The following OXGR1 variants were observed in gnomAD, a reference collection of about 807,000 sequenced individuals.
OXGR1 encodes the protein 2-oxoglutarate receptor 1.
In OXGR1, 10 loss-of-function variants were observed where a neutral mutation model predicts 10.0. That is an observed-to-expected ratio of 1.00 (90% CI 0.62 to 1.70). OXGR1 has a LOEUF of 1.70. Ranked by LOEUF, OXGR1 falls within the 40% of genes most tolerant of loss-of-function variation. OXGR1 has a pLI of 0.00. For missense variants in OXGR1, 398 were observed against 407.6 expected (o/e 0.98, Z 0.20); for synonymous variants, 191 against 155.9 (o/e 1.22, Z -1.68).
rs144365402 is a variant in OXGR1, at chr13:96,986,794, G to A, written c.966C>T (p.Ser322=). The A allele has an allele frequency of 1.5e-3, 2,414 of 1,612,972 alleles. 4 individuals carry two copies. The highest frequency in any genetic ancestry group is 6.1e-3 in the Middle Eastern group (37 of 6,046). The change falls in exon 4 of 4, where the codon AGC becomes AGT. Residue 322 remains serine (S), a synonymous_variant. Transcript: ENST00000541038. ...TTTTCTTTGCTTGCTCAAGGTTCCC[G>A]CTTACTTTGCATCTCACTGTTGAGC... ...AVCSTVRCKV[S]GNLEQAKKIS...
In OXGR1 at chr13:96,987,604, T is replaced by G; in HGVS notation, c.156A>C (p.Ala52=). The stretch of plus-strand genomic sequence containing the variant: ...TGAAAATGTAAGTGGATATCACTAC[T>G]GCATTGCCTGGAAATCCCACGAGGA... The part of the protein sequence containing the change: ...IIFLVGFPGN[A]VVISTYIFKM... Residue 52 remains alanine (A), a synonymous_variant, in exon 4 of 4, where the codon GCA becomes GCC. Transcript: ENST00000541038. 6.2e-7 allele frequency: 1 copy of G among 1,614,164 alleles called. No homozygotes were observed. The highest frequency in any genetic ancestry group is 8.5e-7 in the Non-Finnish European group (1 of 1,180,018).
chr13:96,994,713 GAGA>G (rs1476104502), upstream of OXGR1: 161 of 143,106 alleles, frequency 1.1e-3, no homozygotes, highest in African/African-American at 3.8e-3. Flanking sequence ...TTTTTCTTTT[GAGA>G]AGGAGTCTCG....
Position 96,986,955 on chromosome 13 carries a change from G to T in OXGR1, c.805C>A (p.Leu269Met). ...ILRVIRIESR[L>M]LSISCSIENQ... The stretch of plus-strand genomic sequence containing the variant: ...TCAATGGAACAACTGATTGAAAGCA[G>T]GCGAGATTCGATCCGAATGACCCTC... Residue 269 changes from leucine to methionine, a missense_variant, in exon 4 of 4, where the codon CTG (leucine) becomes ATG (methionine). Transcript: ENST00000541038. 1 of 1,614,166 alleles carries T rather than the reference G, an allele frequency of 6.2e-7. No individual in the cohort carries two copies. The highest frequency in any genetic ancestry group is 8.5e-7 in the Non-Finnish European group (1 of 1,180,042).
chr13:96,989,845 G>A (rs923967560), intron 2 of OXGR1, 36 bp from the exon 3 acceptor site: 1 of 152,168 alleles, frequency 6.6e-6, no homozygotes, highest in African/African-American at 2.4e-5. Flanking sequence ...GTGAAGACAG[G>A]AAAAGGCTGA....
chr13:96,989,614 G>A (rs1195923253), intron 3 of OXGR1, 144 bp downstream of exon 3: 1 of 152,342 alleles, frequency 6.6e-6, no homozygotes, highest in Non-Finnish European at 1.5e-5. Context: ...AGGCAGTGAT[G>A]TGCTCAAAGT....
At position 96,986,937 on chromosome 13, in the gene OXGR1, A is replaced by G. The variant is rs1316781380; in HGVS notation, c.823T>C (p.Ser275Pro). 6.2e-7 allele frequency: 1 copy of G among 1,614,180 alleles called. No homozygotes were observed. The highest frequency in any genetic ancestry group is 8.5e-7 in the Non-Finnish European group (1 of 1,180,014). Residue 275 changes from serine to proline, a missense_variant, in exon 4 of 4, where the codon TCC (serine) becomes CCC (proline). Ser to Pro is a moderately conservative substitution (Grantham distance 74). Coordinates refer to ENST00000541038, the MANE Select transcript of OXGR1 (RefSeq NM_001346194.2). ...GCTTCATGGATCTGATTCTCAATGG[A>G]ACAACTGATTGAAAGCAGGCGAGAT... ...IESRLLSISC[S>P]IENQIHEAYI...
At chr13:96,990,650 G>T (rs1882001684) in intron 2 of OXGR1, among the ~76,000 whole-genome samples, 1 of 152,096 alleles carries the variant, frequency 6.6e-6, no homozygotes, top group Admixed American at 6.5e-5. Flanking sequence ...CTAAAAAAAA[G>T]CTTGGTTCTT....
In OXGR1 at chr13:96,987,408, A is replaced by G. The variant is rs2138890273; in HGVS notation, c.352T>C (p.Tyr118His). ...CAGGTGAGGAAGAGGATGCTGCTAT[A>G]CAGGTTGAAATGGAAGCTGAAGCGG... is the stretch of plus-strand genomic sequence containing the variant. ...FIRFSFHFNL[Y>H]SSILFLTCFS... is the part of the protein sequence containing the mutation. The change falls in exon 4 of 4, where the codon TAT becomes CAT. Residue 118 changes from tyrosine to histidine, a missense_variant. Physicochemically the swap from Tyr to His is moderately conservative, Grantham distance 83. Transcript: ENST00000541038. 1 of 1,614,206 alleles carries G rather than the reference A, an allele frequency of 6.2e-7. No individual in the cohort carries two copies. Among genetic ancestry groups the G allele is most frequent in the Non-Finnish European group, 8.5e-7 (1 of 1,180,026 alleles).
intron 2 of OXGR1, among the ~76,000 whole-genome samples, chr13:96,990,962 AG>A (rs1882027023): frequency 6.6e-6 from 1 of 151,158 alleles, no homozygotes; most frequent in African/African-American, 2.4e-5. Context: ...AAAAAAAAAA[AG>A]CAAGCTTAGA....
chr13:96,992,720 T>G (rs1198853870), intron 1 of OXGR1, 148 bp from the exon 2 acceptor site: 3 of 152,214 alleles, frequency 2.0e-5, no homozygotes, highest in Non-Finnish European at 2.9e-5. Context: ...GCCTGTTGGT[T>G]TTGCAGATCA....
intron 3 of OXGR1, among the ~76,000 whole-genome samples, chr13:96,989,507 G>A (rs1441134277): frequency 6.6e-6 from 1 of 152,192 alleles, no homozygotes; most frequent in Non-Finnish European, 1.5e-5. Context: ...TACTGTAAGT[G>A]TCTTACATAT....
rs777210730 is a variant in OXGR1 at position 96,986,866 on chromosome 13, G to T, written c.894C>A (p.Asn298Lys). The T allele has an allele frequency of 4.0e-5, 65 of 1,614,044 alleles. No homozygotes were observed. The highest frequency in any genetic ancestry group is 1.7e-4 in the Admixed American group (10 of 59,998). The change falls in exon 4 of 4, where the codon AAC becomes AAA. Residue 298 changes from asparagine to lysine, a missense_variant. Asn to Lys is a moderately conservative substitution (Grantham distance 94, BLOSUM62 0). Coordinates refer to ENST00000541038, the MANE Select transcript of OXGR1 (RefSeq NM_001346194.2). ...RPLAALNTFG[N>K]LLLYVVVSDN... ...CGCTGACCACCACATATAGTAACAG[G>T]TTACCAAAGGTGTTCAGAGCAGCTA... is the stretch of plus-strand genomic sequence containing the variant.
At chr13:96,991,041 A>T (rs1882032209) in intron 2 of OXGR1, among the ~76,000 whole-genome samples, 1 of 151,932 alleles carries the variant, frequency 6.6e-6, no homozygotes, top group South Asian at 2.1e-4. Flanking sequence ...ACCCTTAGCC[A>T]TGTTATGGAG....
intron 2 of OXGR1, among the ~76,000 whole-genome samples, chr13:96,991,944 C>G (rs1183588441): frequency 1.3e-5 from 2 of 152,074 alleles, no homozygotes; most frequent in Non-Finnish European, 2.9e-5. Flanking sequence ...ATGGGTAGAA[C>G]TGGAGGTCAT....
chr13:96,987,992 A>G (rs1179507129), intron 3 of OXGR1, among the ~76,000 whole-genome samples, 159 bp from the exon 4 acceptor site: 1 of 152,244 alleles, frequency 6.6e-6, no homozygotes, highest in African/African-American at 2.4e-5. Context: ...GAAAATGACT[A>G]TGAGGCAAGT....
chr13:96,992,283 T>A (rs1882093887), intron 2 of OXGR1, 139 bp downstream of exon 2: 2 of 152,352 alleles, frequency 1.3e-5, no homozygotes, highest in African/African-American at 4.8e-5. Flanking sequence ...CTCGAGTGGA[T>A]GGATACCCCA....
At position 96,987,015 on chromosome 13, in the gene OXGR1, CA is replaced by C; in HGVS notation, c.744del (p.Ala249HisfsTer12). 6.2e-7 allele frequency: 1 copy of C among 1,614,170 alleles called. No homozygotes were observed. Reference protein sequence around the residue: ...KARRLTILLLLAFYVCFLPFH... With the variant: ...KARRLTILLLXAFYVCFLPFH... The stretch of plus-strand genomic sequence containing the variant: ...AAGGGTAAAAAACATACGTAAAATG[CA>C]AGGAGTAGCAGAATGGTTAGCCTTC... On this transcript the variant is annotated frameshift_variant, in exon 4 of 4. Transcript: ENST00000541038. LOFTEE classifies it high-confidence loss of function.
Position 96,987,723 on chromosome 13 carries a change from C to A in OXGR1, c.37G>T (p.Asp13Tyr), listed in dbSNP as rs780702734. The A allele has an allele frequency of 1.4e-5, 22 of 1,607,038 alleles. No individual in the cohort carries two copies. The highest frequency in any genetic ancestry group is 1.7e-5 in the Non-Finnish European group (20 of 1,176,060). The change falls in exon 4 of 4, where the codon GAT (aspartate) becomes TAT (tyrosine). Residue 13 changes from aspartate to tyrosine, a missense_variant. Coordinates refer to ENST00000541038, the MANE Select transcript of OXGR1 (RefSeq NM_001346194.2). Reference protein sequence around the residue: ...EPLDYLANASDFPDYAAAFGN... With the variant: ...EPLDYLANASYFPDYAAAFGN... The stretch of plus-strand genomic sequence containing the variant: ...AAAGCAGCTGCATAATCGGGGAAAT[C>A]AGAAGCATTTGCTAAATAGTCTAGT...
chr13:96,988,632 C>T (rs898505047), intron 3 of OXGR1, among the ~76,000 whole-genome samples: 2 of 152,060 alleles, frequency 1.3e-5, no homozygotes, highest in Non-Finnish European at 2.9e-5. Context: ...TGGTATAATG[C>T]GGCCATTAGG....
Sources: gnomAD v4.1 joint callset for allele counts (sites outside exome capture counted in the v4.1 genomes callset) on GRCh38, gnomAD v4.1.1 for gene constraint, MANE v1.5 for transcripts, NCBI Gene and HGNC (gene_info 2026-07-23, HGNC 2026-07-21) for gene names.